The following AP2A2 variants were observed in gnomAD, a reference collection of about 807,000 sequenced individuals.
AP2A2 encodes the protein adaptor related protein complex 2 subunit alpha 2.
A neutral mutation model predicts 104.2 loss-of-function variants in AP2A2; 32 were observed. The observed-to-expected ratio is 0.31, with a 90% CI of 0.23 to 0.41. The LOEUF is 0.41. Among genes scored for constraint, AP2A2 ranks in the 10% least tolerant of loss-of-function variants. The pLI, the probability that AP2A2 is intolerant of heterozygous loss-of-function variation, is 1.00. For synonymous variants in AP2A2, 539 were observed against 533.3 expected (o/e 1.01, Z -0.15); for missense variants, 912 against 1,261.0 (o/e 0.72, Z 4.19).
chr11:946,414 C>T (rs1169066498), intron 1 of AP2A2: 1 of 152,168 alleles, frequency 6.6e-6, no homozygotes, highest in Non-Finnish European at 1.5e-5. Flanking sequence ...AGTGTGAAAA[C>T]CCTGTTTCTG....
intron 5 of AP2A2, among the ~76,000 whole-genome samples, chr11:980,530 TGCCCGGTGCCGTGTCCTGG>T (rs1180039316): frequency 4.7e-5 from 7 of 149,562 alleles, no homozygotes; most frequent in Admixed American, 2.7e-4. Flanking sequence ...GGTGACAGGC[TGCCCGGTGCCGTGTCCTGG>T]AGCGGTGACA....
chr11:993,690 CG>C lies in AP2A2; in HGVS notation c.1551-59del. 1 of 1,309,036 alleles carries C rather than the reference CG, an allele frequency of 7.6e-7. No individual in the cohort carries two copies. The allele number at this position is 1,309,036 out of a possible 1,614,324, so 81.1% of individuals were successfully genotyped here. A position where few individuals can be genotyped will look rare whatever the true frequency, so the allele number is the denominator to read the frequency against. On this transcript the variant is annotated intron_variant, in intron 12 of 21. Coordinates refer to ENST00000448903, the MANE Select transcript of AP2A2 (RefSeq NM_012305.4). This position sits in a 1 kb window ranked among gnomAD's most constrained non-coding sequence, Gnocchi z 8.2. ...GGGTCTCGCCGCCGTCCCCCCCCCGCGGGGGCGTGCTGCAGCCTGCGAGGGG... is the reference window on the plus strand; with the variant it reads ...GGGTCTCGCCGCCGTCCCCCCCCCGCGGGGCGTGCTGCAGCCTGCGAGGGG...
chr11:943,108 G>A (rs1050760454), intron 1 of AP2A2: 3 of 152,144 alleles, frequency 2.0e-5, no homozygotes, highest in Admixed American at 2.0e-4. Flanking sequence ...GTAATTATAT[G>A]ACAATATTAC....
intron 6 of AP2A2, among the ~76,000 whole-genome samples, chr11:983,907 T>G (rs1354979363): frequency 6.6e-6 from 1 of 152,188 alleles, no homozygotes; most frequent in African/African-American, 2.4e-5. Flanking sequence ...TTTGACAGCC[T>G]AGAGCTTGCC....
intron 1 of AP2A2, among the ~76,000 whole-genome samples, chr11:954,640 G>A (rs956747964): frequency 1.3e-5 from 2 of 151,946 alleles, no homozygotes; most frequent in African/African-American, 2.4e-5. Context: ...GCTTGTACGT[G>A]TATTTGTGTG....
In AP2A2 at chr11:969,219, C is replaced by CTTTTTTTTTTTTTTTT. The variant is rs1564799363; in HGVS notation, c.137-950_137-949insTTTTTTTTTTTTTTTT. 1.8e-5 allele frequency among the ~76,000 whole-genome samples: 2 copies of CTTTTTTTTTTTTTTTT among 112,812 alleles called. 1 individual carries two copies. Among genetic ancestry groups the CTTTTTTTTTTTTTTTT allele is most frequent in the Non-Finnish European group, 3.7e-5 (2 of 54,346 alleles). 74.0% of individuals were successfully genotyped at this position (112,812 alleles called of 152,430 possible). ...GAAACTCCTGGCAATGTAGAACAGC[C>CTTTTTTTTTTTTTTTT]CTTTTTTTTTTTTTTTTTTTTTTTT... On this transcript the variant is annotated intron_variant, in intron 2 of 21. Coordinates refer to ENST00000448903, the MANE Select transcript of AP2A2 (RefSeq NM_012305.4).
chr11:993,435 G>A lies in AP2A2; in HGVS notation c.1550+54G>A. On this transcript the variant is annotated intron_variant, in intron 12 of 21. Transcript: ENST00000448903. The surrounding 1 kb of genome is among the most constrained non-coding windows in gnomAD (Gnocchi z 8.2). ...TGTGCGCTCCGGCGGGCCTCTCGGT[G>A]GTCGGTGGCAAGAGGCGAGGCACCA... 2 of 1,416,040 alleles carry A rather than the reference G, an allele frequency of 1.4e-6. No homozygotes were observed. Among genetic ancestry groups the A allele is most frequent in the Non-Finnish European group, 9.4e-7 (1 of 1,059,988 alleles). 87.7% of individuals were successfully genotyped at this position (1,416,040 alleles called of 1,614,324 possible).
At chr11:967,914 A>G (rs920914346) in intron 2 of AP2A2, among the ~76,000 whole-genome samples, 1 of 152,206 alleles carries the variant, frequency 6.6e-6, no homozygotes, top group Admixed American at 6.5e-5. Flanking sequence ...ACATTTTGAA[A>G]TTACTAGAAT....
chr11:930,870 C>A (rs1160220245), intron 1 of AP2A2, among the ~76,000 whole-genome samples: 1 of 152,174 alleles, frequency 6.6e-6, no homozygotes, highest in Non-Finnish European at 1.5e-5. Context: ...ACATATTCAA[C>A]ACCAGGAAAC....
chr11:958,794 C>T (rs1331406879), intron 1 of AP2A2, among the ~76,000 whole-genome samples: 1 of 152,132 alleles, frequency 6.6e-6, no homozygotes, highest in East Asian at 1.9e-4. Flanking sequence ...GATACTATGA[C>T]ATTGGGGTTA....
intron 1 of AP2A2, among the ~76,000 whole-genome samples, chr11:941,770 T>A (rs1853653675): frequency 6.6e-6 from 1 of 150,974 alleles, no homozygotes; most frequent in Admixed American, 6.6e-5. Flanking sequence ...GTATTTTTAG[T>A]AGACATGGGG....
intron 1 of AP2A2, among the ~76,000 whole-genome samples, chr11:928,981 T>A (rs770258376): frequency 3.7e-4 from 56 of 152,222 alleles, no homozygotes; most frequent in Admixed American, 7.2e-4. Context: ...TTCCTGCTGT[T>A]CTCCTCATGG....
At chr11:955,283 C>T (rs1425187343) in intron 1 of AP2A2, among the ~76,000 whole-genome samples, 1 of 152,238 alleles carries the variant, frequency 6.6e-6, no homozygotes, top group Non-Finnish European at 1.5e-5. Context: ...CTGTGTGAAG[C>T]TGCCTGCAGG....
rs1343856497 is a variant in AP2A2 at position 992,546 on chromosome 11, A to G, written c.1313A>G (p.Tyr438Cys). 6.2e-7 allele frequency: 1 copy of G among 1,611,952 alleles called. No individual in the cohort carries two copies. ...CTGGCTGAGAAGTACGCGGTGGACTACACCTGGTATGTGGATACCATCTTG... is the reference window on the plus strand; with the variant it reads ...CTGGCTGAGAAGTACGCGGTGGACTGCACCTGGTATGTGGATACCATCTTG... ...AILAEKYAVD[Y>C]TWYVDTILNL... Residue 438 changes from tyrosine to cysteine, a missense_variant, in exon 11 of 22, where the codon TAC becomes TGC. By Grantham distance (194) the Tyr-to-Cys change is radical. Coordinates refer to ENST00000448903, the MANE Select transcript of AP2A2 (RefSeq NM_012305.4). This position sits in a 1 kb window ranked among gnomAD's most constrained non-coding sequence, Gnocchi z 6.4.
rs367952350 is a variant in AP2A2 at position 1,008,111 on chromosome 11, C to T, written c.2396C>T (p.Ala799Val). 3.8e-5 allele frequency: 61 copies of T among 1,606,594 alleles called. No individual in the cohort carries two copies. The highest frequency in any genetic ancestry group is 2.0e-4 in the African/African-American group (15 of 74,796). ...GAGTGCGTGTCCGACTTCACGGAGG[C>T]GCCAGTCCTCAACATTCAGTTCAGG... is the stretch of plus-strand genomic sequence containing the variant. ...NIECVSDFTE[A>V]PVLNIQFRYG... Residue 799 changes from alanine to valine, a missense_variant, in exon 18 of 22, where the codon GCG (alanine) becomes GTG (valine). Ala to Val is a moderately conservative substitution (Grantham distance 64). This residue lies in a region of AP2A2 where 239 missense variants were observed against 329.8 expected (regional missense o/e 0.72). Transcript: ENST00000448903.
intron 16 of AP2A2, among the ~76,000 whole-genome samples, chr11:1,006,178 C>T (rs569052993): frequency 6.6e-6 from 1 of 152,358 alleles, no homozygotes; most frequent in African/African-American, 2.4e-5. Context: ...CTTGGCAGGC[C>T]CCTCCAGCTG....
At position 977,194 on chromosome 11, in the gene AP2A2, A is replaced by C; in HGVS notation, c.573A>C (p.Arg191=). The C allele has an allele frequency of 6.2e-7, 1 of 1,609,642 alleles. No individual in the cohort carries two copies. Among genetic ancestry groups the C allele is most frequent in the Non-Finnish European group, 8.5e-7 (1 of 1,177,212 alleles). The change falls in exon 5 of 22, where the codon CGA becomes CGC. Residue 191 remains arginine (R), a synonymous_variant. Coordinates refer to ENST00000448903, the MANE Select transcript of AP2A2 (RefSeq NM_012305.4). The part of the protein sequence containing the change: ...DLVPMGDWTS[R]VVHLLNDQHL... ...TCCCCATGGGCGACTGGACATCCCG[A>C]GTGGTGCACCTGCTCAATGACCAGC...
rs966268950 is a variant in AP2A2 at position 984,737 on chromosome 11, G to T, written c.798G>T (p.Gln266His). The change falls in exon 7 of 22, where the codon CAG (glutamine) becomes CAT (histidine). Residue 266 changes from glutamine to histidine, a missense_variant. Gln to His is a conservative substitution (Grantham distance 24). Around this residue, in one of 7 missense-constraint regions of AP2A2, gnomAD observed 350 missense variants for 487.0 expected, o/e 0.72. Coordinates refer to ENST00000448903, the MANE Select transcript of AP2A2 (RefSeq NM_012305.4). ...WLSVKLLRLL[Q>H]CYPPPDPAVR... ...CTGTCAAACTGCTGAGACTGCTGCA[G>T]TGCTACCCACCCCCAGGTAACGCGC... The T allele has an allele frequency of 1.1e-5, 18 of 1,612,000 alleles. No homozygotes were observed. The highest frequency in any genetic ancestry group is 1.5e-5 in the Non-Finnish European group (18 of 1,178,882).
At chr11:952,444 A>G (rs1296712574) in intron 1 of AP2A2, among the ~76,000 whole-genome samples, 1 of 152,212 alleles carries the variant, frequency 6.6e-6, no homozygotes, top group Non-Finnish European at 1.5e-5. Context: ...CTGCCCCTAT[A>G]GAGTGTGTTC....
Sources: gnomAD v4.1 joint callset for allele counts (sites outside exome capture counted in the v4.1 genomes callset) on GRCh38, gnomAD v4.1.1 for gene constraint, gnomAD v4.1.1 regional missense constraint, Gnocchi (gnomAD v3.1) non-coding constraint, MANE v1.5 for transcripts, NCBI Gene and HGNC (gene_info 2026-07-23, HGNC 2026-07-21) for gene names.